The following DPH5 variants were observed in gnomAD, a reference collection of about 807,000 sequenced individuals.
DPH5 encodes the protein diphthamide biosynthesis 5, also known as diphthine methyl ester synthase.
Under a neutral mutation model 31.6 loss-of-function variants are expected in DPH5, and 31 were observed. The observed-to-expected ratio is 0.98, with a 90% confidence interval of 0.74 to 1.32. DPH5 has a LOEUF of 1.32. DPH5 is among the 40% of genes most tolerant of loss of function. The pLI, the probability that DPH5 is intolerant of heterozygous loss-of-function variation, is 0.00. For missense variants in DPH5, 309 were observed against 335.7 expected (o/e 0.92, Z 0.62); for synonymous variants, 120 against 115.0 (o/e 1.04, Z -0.28).
intron 7 of DPH5, among the ~76,000 whole-genome samples, chr1:100,991,788 C>CTAAAAAAAAAAA (rs1657747352): frequency 9.9e-6 from 1 of 101,066 alleles, no homozygotes; most frequent in Non-Finnish European, 2.0e-5. Context: ...GACCCCATCT[C>CTAAAAAAAAAAA]AAAAAAAAAA....
chr1:101,007,211 G>A (rs1318957202), intron 4 of DPH5, among the ~76,000 whole-genome samples: 1 of 152,060 alleles, frequency 6.6e-6, no homozygotes, highest in African/African-American at 2.4e-5. Context: ...ATTGGTAACT[G>A]TGGATATCTC....
At chr1:100,993,932 C>T (rs1294601432) in intron 6 of DPH5, among the ~76,000 whole-genome samples, 4 of 151,744 alleles carry the variant, frequency 2.6e-5, no homozygotes, top group African/African-American at 4.8e-5. Context: ...TTAGTACAGA[C>T]GGGGTTTCAC....
At chr1:100,999,266 A>G (rs1043514819) in intron 5 of DPH5, among the ~76,000 whole-genome samples, 3 of 151,872 alleles carry the variant, frequency 2.0e-5, no homozygotes, top group Non-Finnish European at 2.9e-5. Context: ...CCTGGGCAAC[A>G]TGGCGAAACT....
chr1:101,020,306 C>G (rs1422213789), intron 3 of DPH5, among the ~76,000 whole-genome samples: 3 of 152,180 alleles, frequency 2.0e-5, no homozygotes, highest in African/African-American at 7.2e-5. Context: ...AATTCATACA[C>G]ATATTTCTGT....
At chr1:100,997,512 C>T (rs1015183642) in intron 5 of DPH5, among the ~76,000 whole-genome samples, 1 of 147,232 alleles carries the variant, frequency 6.8e-6, no homozygotes, top group African/African-American at 2.5e-5. Flanking sequence ...ATTACAGGCA[C>T]CTGCCACCAC....
At chr1:101,024,350 A>T (rs1478657477) in intron 2 of DPH5, among the ~76,000 whole-genome samples, 4 of 152,216 alleles carry the variant, frequency 2.6e-5, no homozygotes, top group Non-Finnish European at 4.4e-5. Flanking sequence ...CTGAGGCTGC[A>T]GTGAGCCATG....
chr1:101,008,381 C>G (rs929700970), intron 4 of DPH5, among the ~76,000 whole-genome samples: 5 of 152,208 alleles, frequency 3.3e-5, no homozygotes, highest in African/African-American at 1.2e-4. Flanking sequence ...ACATTCTCAT[C>G]CAGTCTCCCT....
At chr1:101,016,665 T>C (rs981184516) in intron 3 of DPH5, among the ~76,000 whole-genome samples, 2 of 151,974 alleles carry the variant, frequency 1.3e-5, no homozygotes, top group African/African-American at 4.8e-5. Flanking sequence ...CAGGCTGGTC[T>C]TGAACTCCTG....
intron 2 of DPH5, among the ~76,000 whole-genome samples, chr1:101,023,816 G>T (rs1309664599): frequency 6.6e-6 from 1 of 152,128 alleles, no homozygotes; most frequent in Non-Finnish European, 1.5e-5. Flanking sequence ...AACACCTAAA[G>T]TAGATGTTTT....
In DPH5 at chr1:101,004,486, T is replaced by C. The variant is rs558942417; in HGVS notation, c.370-2899A>G. Among the ~76,000 whole-genome samples the C allele has an allele frequency of 2.4e-3, 363 of 152,302 alleles. 2 individuals are homozygous for C. Among genetic ancestry groups the C allele is most frequent in the Non-Finnish European group, 3.4e-3 (230 of 68,006 alleles). On this transcript the variant is annotated intron_variant, in intron 4 of 7. Transcript: ENST00000370109. ...AAAACAGCTGTTTTGTAAGAAACAG[T>C]AGGTAAACACAGGCCTTTTTAAATT...
intron 3 of DPH5, among the ~76,000 whole-genome samples, chr1:101,016,916 G>A (rs1660123133): frequency 6.6e-6 from 1 of 152,144 alleles, no homozygotes; most frequent in African/African-American, 2.4e-5. Flanking sequence ...AGAGAGTTGG[G>A]GGAATGGCTG....
Position 101,025,148 on chromosome 1 carries a change from G to A in DPH5, c.135+161C>T, listed in dbSNP as rs1046623762. ...TCATTTTCCAAGTCACTTGGTTGGT[G>A]TAAAATTTCCATTCTTCTGCTCCTC... On this transcript the variant is annotated intron_variant, in intron 2 of 7. Transcript: ENST00000370109. The A allele has an allele frequency of 6.9e-6, 6 of 871,612 alleles. No homozygotes were observed. In the South Asian group the frequency reaches 1.0e-4, roughly 15 times the overall value. 54.0% of individuals were successfully genotyped at this position (871,612 alleles called of 1,614,324 possible).
In DPH5 at chr1:101,001,591, GA is replaced by G. The variant is rs553852357; in HGVS notation, c.370-5del. The G allele has an allele frequency of 8.6e-5, 130 of 1,511,676 alleles. No homozygotes were observed. The highest frequency in any genetic ancestry group is 3.7e-4 in the South Asian group (30 of 81,844). The allele number at this position is 1,511,676 out of a possible 1,614,324, so 93.6% of individuals were successfully genotyped here. ...CTGTCTCTCCAAACTTATATAACTAGAAAAAAAAACATTAATTAATGATGGA... is the reference window on the plus strand; with the variant it reads ...CTGTCTCTCCAAACTTATATAACTAGAAAAAAAACATTAATTAATGATGGA... On this transcript the variant is annotated splice_region_variant and splice_polypyrimidine_tract_variant and intron_variant, in intron 4 of 7. Transcript: ENST00000370109.
intron 4 of DPH5, among the ~76,000 whole-genome samples, chr1:101,009,199 C>G (rs1177380405): frequency 6.6e-6 from 1 of 152,220 alleles, no homozygotes; most frequent in Non-Finnish European, 1.5e-5. Flanking sequence ...CCTAATCATA[C>G]TCTTCCACAT....
At chr1:101,019,155 G>A (rs1660283035) in intron 3 of DPH5, among the ~76,000 whole-genome samples, 1 of 152,088 alleles carries the variant, frequency 6.6e-6, no homozygotes, top group Non-Finnish European at 1.5e-5. Context: ...AGAGATTTAG[G>A]GATAGAATGT....
chr1:101,015,637 G>A (rs994735192), intron 3 of DPH5, among the ~76,000 whole-genome samples: 3 of 152,124 alleles, frequency 2.0e-5, no homozygotes, highest in Non-Finnish European at 4.4e-5. Flanking sequence ...TTTAAGTCCG[G>A]CATTCACTTC....
intron 5 of DPH5, among the ~76,000 whole-genome samples, chr1:101,000,333 A>T (rs1558037390): frequency 6.6e-6 from 1 of 152,240 alleles, no homozygotes; most frequent in African/African-American, 2.4e-5. Context: ...CTCAGGACCA[A>T]TGCCAGTATG....
intron 4 of DPH5, among the ~76,000 whole-genome samples, chr1:101,006,274 T>C (rs1282153308): frequency 6.6e-6 from 1 of 152,036 alleles, no homozygotes; most frequent in Non-Finnish European, 1.5e-5. Context: ...ACATTCTATA[T>C]AGGATGGGGA....
At chr1:101,008,520 A>G (rs767132021) in intron 4 of DPH5, among the ~76,000 whole-genome samples, 1 of 152,222 alleles carries the variant, frequency 6.6e-6, no homozygotes, top group Non-Finnish European at 1.5e-5. Context: ...AATCTTTTCC[A>G]TTATATTTTT....
Sources: allele counts gnomAD v4.1 joint callset (sites outside exome capture counted in the v4.1 genomes callset), GRCh38; gene constraint gnomAD v4.1.1; transcripts MANE v1.5; gene names NCBI Gene and HGNC (gene_info 2026-07-23, HGNC 2026-07-21).